NFIA: variants seen among roughly 807,000 people sequenced by gnomAD.
NFIA encodes the protein nuclear factor I A, also known as nuclear factor 1 A-type.
Under a neutral mutation model 62.8 loss-of-function variants are expected in NFIA, and 8 were observed. The observed-to-expected ratio is 0.13, with a 90% CI of 0.07 to 0.23. The LOEUF (loss-of-function observed/expected upper bound fraction) is 0.23. Among genes scored for constraint, NFIA ranks in the 10% least tolerant of loss-of-function variants. NFIA has a pLI of 1.00. For missense variants in NFIA, 410 were observed against 642.1 expected (o/e 0.64, Z 3.91); for synonymous variants, 235 against 238.1 (o/e 0.99, Z 0.12).
At chr1:61,330,834 C>G (rs1273269044) in intron 3 of NFIA, among the ~76,000 whole-genome samples, 1 of 152,150 alleles carries the variant, frequency 6.6e-6, no homozygotes, top group East Asian at 1.9e-4. Context: ...TCCTATTCAT[C>G]TATGAATTTC....
intron 9 of NFIA, among the ~76,000 whole-genome samples, chr1:61,420,381 T>C (rs1225741143): frequency 6.6e-6 from 1 of 152,182 alleles, no homozygotes; most frequent in Non-Finnish European, 1.5e-5. Flanking sequence ...AGGACCTTTT[T>C]TTTTTTTAAA....
chr1:61,088,183 C>T lies in NFIA; in HGVS notation c.62C>T (p.Pro21Leu). ...CATCCTTTCATCGAAGCACTTCTGC[C>T]CCACGTCCGAGCCTTTGCCTACACA... ...EFHPFIEALLPHVRAFAYTWF... is the reference protein window; with the variant it reads ...EFHPFIEALLLHVRAFAYTWF... The change falls in exon 2 of 11, where the codon CCC becomes CTC. Residue 21 changes from proline (P) to leucine (L), a missense_variant. Around this residue, in one of 3 missense-constraint regions of NFIA, gnomAD observed 86 missense variants for 124.6 expected, o/e 0.69. Coordinates refer to ENST00000403491, the MANE Select transcript of NFIA (RefSeq NM_001134673.4). The surrounding 1 kb of genome is among the most constrained non-coding windows in gnomAD (Gnocchi z 4.5). 6.2e-7 allele frequency: 1 copy of T among 1,612,874 alleles called. No homozygotes were observed. The highest frequency in any genetic ancestry group is 8.5e-7 in the Non-Finnish European group (1 of 1,179,674).
At chr1:61,422,492 A>G (rs143957341) in intron 9 of NFIA, among the ~76,000 whole-genome samples, 1 of 152,224 alleles carries the variant, frequency 6.6e-6, no homozygotes, top group East Asian at 1.9e-4. Flanking sequence ...TATATCCCTT[A>G]TACCTTCCCA....
intron 10 of NFIA, among the ~76,000 whole-genome samples, chr1:61,448,667 G>A (rs1475547898): frequency 2.0e-5 from 3 of 152,210 alleles, no homozygotes; most frequent in South Asian, 4.2e-4. Flanking sequence ...TTTGTCATTC[G>A]GACCCCAGAG....
chr1:61,313,032 T>C (rs1202075760), intron 3 of NFIA, among the ~76,000 whole-genome samples: 1 of 152,170 alleles, frequency 6.6e-6, no homozygotes, highest in African/African-American at 2.4e-5. Flanking sequence ...GTAAATTAAG[T>C]AGTAGGCAAA....
chr1:61,117,509 G>A (rs1404116283), intron 2 of NFIA, among the ~76,000 whole-genome samples: 1 of 151,054 alleles, frequency 6.6e-6, no homozygotes. Context: ...TTAAGAACAG[G>A]AAAAAAAAAT....
At chr1:61,185,286 G>T (rs1651089141) in intron 2 of NFIA, among the ~76,000 whole-genome samples, 1 of 152,074 alleles carries the variant, frequency 6.6e-6, no homozygotes, top group Non-Finnish European at 1.5e-5. Flanking sequence ...GAGCCCTAAA[G>T]AAATTGAATT....
intron 2 of NFIA, among the ~76,000 whole-genome samples, chr1:61,098,771 T>C (rs1472906420): frequency 6.6e-6 from 1 of 152,232 alleles, no homozygotes; most frequent in Non-Finnish European, 1.5e-5. Flanking sequence ...CTTAGCTTAC[T>C]GTATAGACAA....
rs140142368 is a variant in NFIA, at chr1:61,236,086, A to C, written c.560-41434A>C. Among the ~76,000 whole-genome samples the C allele has an allele frequency of 5.6e-4, 85 of 152,138 alleles. No individual in the cohort carries two copies. In the East Asian group the frequency reaches 0.015, roughly 27 times the overall value. ...ACTGCTGATTCAGAACACGTTAAAA[A>C]CAGCCTGAAATGGGCAATTCATCTG... On this transcript the variant is annotated intron_variant, in intron 2 of 10. Transcript: ENST00000403491.
intron 6 of NFIA, among the ~76,000 whole-genome samples, chr1:61,367,808 T>A (rs963566780): frequency 6.6e-6 from 1 of 151,900 alleles, no homozygotes; most frequent in African/African-American, 2.4e-5. Context: ...CACACACATA[T>A]ACTCTGTGTA....
At chr1:61,352,960 GAGGA>G in intron 5 of NFIA, among the ~76,000 whole-genome samples, 1 of 152,246 alleles carries the variant, frequency 6.6e-6, no homozygotes, top group African/African-American at 2.4e-5. Flanking sequence ...CAAAGGCTTG[GAGGA>G]AGGATGGATG....
At chr1:61,441,565 G>A (rs1468084553) in intron 10 of NFIA, among the ~76,000 whole-genome samples, 11 of 152,112 alleles carry the variant, frequency 7.2e-5, no homozygotes, top group African/African-American at 2.4e-4. Flanking sequence ...TTCTGTGCTA[G>A]CATTAATTAA....
At chr1:61,254,321 A>T (rs1282044923) in intron 2 of NFIA, among the ~76,000 whole-genome samples, 1 of 152,240 alleles carries the variant, frequency 6.6e-6, no homozygotes, top group Non-Finnish European at 1.5e-5. Context: ...TATCATTTTA[A>T]ATGGGCTCTG....
intron 2 of NFIA, among the ~76,000 whole-genome samples, chr1:61,134,121 CA>C (rs906199240): frequency 3.0e-4 from 46 of 151,998 alleles, no homozygotes; most frequent in African/African-American, 1.1e-3. Flanking sequence ...AAACAAAAAA[CA>C]AAAAGAGGAA....
At chr1:61,298,937 C>A (rs190487054) in intron 3 of NFIA, among the ~76,000 whole-genome samples, 2 of 152,132 alleles carry the variant, frequency 1.3e-5, no homozygotes, top group African/African-American at 4.8e-5. Flanking sequence ...TTATTTCCTT[C>A]CGAGTAATAG....
At chr1:61,110,472 T>TAC (rs34684743) in intron 2 of NFIA, among the ~76,000 whole-genome samples, 8,974 of 152,062 alleles carry the variant, frequency 0.059, 409 homozygotes, top group Non-Finnish European at 0.084. Context: ...CAAATATATA[T>TAC]ACACACACAC....
intron 2 of NFIA, among the ~76,000 whole-genome samples, chr1:61,101,664 A>G (rs1038400152): frequency 3.3e-5 from 5 of 152,074 alleles, no homozygotes; most frequent in African/African-American, 1.2e-4. Context: ...AGCCACCTAA[A>G]TTCCCTATTT....
chr1:61,257,528 C>T (rs1455633908), intron 2 of NFIA, among the ~76,000 whole-genome samples: 7 of 151,354 alleles, frequency 4.6e-5, no homozygotes, highest in African/African-American at 7.3e-5. Context: ...TTAGTAGAGA[C>T]GGGGTTTCAC....
chr1:61,184,060 AAGC>A (rs1356382370), intron 2 of NFIA, among the ~76,000 whole-genome samples: 7 of 150,828 alleles, frequency 4.6e-5, no homozygotes, highest in African/African-American at 1.7e-4. Context: ...TGAGCCGGAG[AAGC>A]AAGTTGTGAG....
Sources: allele counts gnomAD v4.1 joint callset (sites outside exome capture counted in the v4.1 genomes callset), GRCh38; gene constraint gnomAD v4.1.1; regional missense constraint gnomAD v4.1.1; non-coding constraint Gnocchi (gnomAD v3.1); transcripts MANE v1.5; gene names NCBI Gene and HGNC (gene_info 2026-07-23, HGNC 2026-07-21).